The following SLC39A11 variants were observed in gnomAD, a reference collection of about 807,000 sequenced individuals.
SLC39A11 encodes the protein solute carrier family 39 member 11.
In SLC39A11, 33 loss-of-function variants were observed where a neutral mutation model predicts 36.1. The ratio of observed to expected loss-of-function variants is 0.91; its 90% CI spans 0.69 to 1.22. The LOEUF (loss-of-function observed/expected upper bound fraction) is 1.22. Ranked by LOEUF, SLC39A11 falls within the 50% of genes most tolerant of loss-of-function variation. The pLI, the probability that SLC39A11 is intolerant of heterozygous loss-of-function variation, is 0.00. For missense variants in SLC39A11, 432 were observed against 430.3 expected, an observed-to-expected ratio of 1.00 and a Z score of -0.03; for synonymous variants, 166 against 170.3, an observed-to-expected ratio of 0.97 and a Z score of 0.20.
At chr17:72,932,217 G>C (rs911832064) in intron 5 of SLC39A11, among the ~76,000 whole-genome samples, 4 of 151,750 alleles carry the variant, frequency 2.6e-5, no homozygotes, top group African/African-American at 9.7e-5. Context: ...AGCCACTAAG[G>C]AGCTGAGTCA....
intron 6 of SLC39A11, among the ~76,000 whole-genome samples, chr17:72,829,496 C>A (rs760081355): frequency 6.6e-6 from 1 of 152,076 alleles, no homozygotes; most frequent in Non-Finnish European, 1.5e-5. Flanking sequence ...GCTAAGACAA[C>A]TATGGGCCTT....
intron 3 of SLC39A11, chr17:73,067,736 C>T: frequency 2.7e-6 from 2 of 748,904 alleles, no homozygotes; most frequent in Non-Finnish European, 4.5e-6. Flanking sequence ...TTTTCTTATG[C>T]ATAAACATAG....
chr17:72,936,075 G>A (rs1161545759), intron 5 of SLC39A11, among the ~76,000 whole-genome samples: 1 of 152,134 alleles, frequency 6.6e-6, no homozygotes, highest in Non-Finnish European at 1.5e-5. Context: ...GTATTCGCCT[G>A]TAATCCCAGC....
At chr17:72,838,682 C>T (rs975744696) in intron 6 of SLC39A11, among the ~76,000 whole-genome samples, 9 of 152,160 alleles carry the variant, frequency 5.9e-5, no homozygotes, top group Non-Finnish European at 1.3e-4. Flanking sequence ...AAATGCCACA[C>T]AATAAAGTTG....
rs115172739 is a variant in SLC39A11, at chr17:72,781,383, C to G, written c.602-44664G>C. Among the ~76,000 whole-genome samples, 365 of 151,990 alleles carry G rather than the reference C, an allele frequency of 2.4e-3. 3 individuals carry two copies. Among genetic ancestry groups the G allele is most frequent in the African/African-American group, 8.4e-3 (348 of 41,508 alleles). On this transcript the variant is annotated intron_variant, in intron 6 of 9. Coordinates refer to ENST00000255559, the MANE Select transcript of SLC39A11 (RefSeq NM_139177.4). ...CCTCTTTGGAAATGCTTTGACATTT[C>G]CATCATTTTGTCTTATTTTGTTTCT...
In SLC39A11 at chr17:73,090,677, G is replaced by T. The variant is rs552519307; in HGVS notation, c.-11-1902C>A. ...TGCCTCTTGACAGCTACAGAAGAGA[G>T]CAAACAATTTACATTTGCCAACAGG... On this transcript the variant is annotated intron_variant, in intron 1 of 9. Transcript: ENST00000255559. Among the ~76,000 whole-genome samples, 11 of 152,344 alleles carry T rather than the reference G, an allele frequency of 7.2e-5. No individual in the cohort carries two copies. In the East Asian group the frequency reaches 1.9e-3, roughly 27 times the overall value.
rs373188482 is a variant in SLC39A11, at chr17:73,004,335, G to A, written c.306+27221C>T. ...CTAGAAGTCCGAGATCAGGGTGCCA[G>A]CATCATCAGGTTCTGACATGGCCTT... On this transcript the variant is annotated intron_variant, in intron 4 of 9. Coordinates refer to ENST00000255559, the MANE Select transcript of SLC39A11 (RefSeq NM_139177.4). Among the ~76,000 whole-genome samples the A allele has an allele frequency of 7.2e-4, 109 of 152,328 alleles. 1 individual carries two copies. The highest frequency in any genetic ancestry group is 2.4e-3 in the African/African-American group (99 of 41,580).
chr17:72,806,204 C>T (rs954189127), intron 6 of SLC39A11, among the ~76,000 whole-genome samples: 1 of 152,140 alleles, frequency 6.6e-6, no homozygotes, highest in East Asian at 1.9e-4. Flanking sequence ...TCCTGGCCGC[C>T]CCCTCAGCCG....
At chr17:72,875,575 C>T (rs1336765093) in intron 5 of SLC39A11, among the ~76,000 whole-genome samples, 1 of 152,224 alleles carries the variant, frequency 6.6e-6, no homozygotes, top group Non-Finnish European at 1.5e-5. Flanking sequence ...TCATCTCCCA[C>T]AAAGGCACCC....
intron 6 of SLC39A11, 114 bp from the exon 7 acceptor site, chr17:72,736,833 T>A: frequency 1.1e-6 from 1 of 890,656 alleles, no homozygotes; most frequent in South Asian, 1.4e-5. Flanking sequence ...TCAAAGAAAA[T>A]CATCGTAACA....
At position 72,746,330 on chromosome 17, in the gene SLC39A11, G is replaced by A. The variant is rs371759447; in HGVS notation, c.602-9611C>T. ...CATTAAAGGACAGAAAAATAACCAC[G>A]TTGAGGGGTCAGGTGTGATGGCTGA... On this transcript the variant is annotated intron_variant, in intron 6 of 9. Coordinates refer to ENST00000255559, the MANE Select transcript of SLC39A11 (RefSeq NM_139177.4). 5.3e-5 allele frequency among the ~76,000 whole-genome samples: 8 copies of A among 152,100 alleles called. No homozygotes were observed. In the East Asian group the frequency reaches 5.8e-4, roughly 11 times the overall value.
intron 7 of SLC39A11, among the ~76,000 whole-genome samples, chr17:72,732,177 C>A (rs1299840737): frequency 6.6e-6 from 1 of 150,884 alleles, no homozygotes; most frequent in African/African-American, 2.4e-5. Flanking sequence ...CCACCACACC[C>A]GGCTAATTTT....
intron 2 of SLC39A11, among the ~76,000 whole-genome samples, 164 bp downstream of exon 2, chr17:73,088,493 G>C (rs1036754266): frequency 7.2e-5 from 11 of 152,076 alleles, no homozygotes; most frequent in African/African-American, 2.7e-4. Flanking sequence ...CTGGCAGGGA[G>C]AAGGTGAGAA....
chr17:72,950,179 A>G (rs1206042702), intron 4 of SLC39A11, among the ~76,000 whole-genome samples: 1 of 152,082 alleles, frequency 6.6e-6, no homozygotes, highest in East Asian at 1.9e-4. Context: ...GATGTCCTCT[A>G]TGAATGTCTT....
At chr17:72,902,948 T>C (rs1351409403) in intron 5 of SLC39A11, among the ~76,000 whole-genome samples, 1 of 95,960 alleles carries the variant, frequency 1.0e-5, no homozygotes, top group Non-Finnish European at 2.0e-5. Flanking sequence ...TAAATTGTAG[T>C]TAGAAAAAAA....
chr17:72,997,335 C>A (rs1379107909), intron 4 of SLC39A11, among the ~76,000 whole-genome samples: 1 of 152,118 alleles, frequency 6.6e-6, no homozygotes, highest in Non-Finnish European at 1.5e-5. Context: ...CTCACTGCAA[C>A]CTCCGCCTCC....
At chr17:72,904,914 C>T (rs2082571746) in intron 5 of SLC39A11, among the ~76,000 whole-genome samples, 2 of 152,158 alleles carry the variant, frequency 1.3e-5, no homozygotes, top group African/African-American at 4.8e-5. Context: ...TGGCTCACGC[C>T]TGTAATCCCA....
At chr17:72,704,261 T>C (rs1228010774) in intron 7 of SLC39A11, among the ~76,000 whole-genome samples, 1 of 152,232 alleles carries the variant, frequency 6.6e-6, no homozygotes, top group Non-Finnish European at 1.5e-5. Flanking sequence ...CATCCCTCAC[T>C]GACAGATGAG....
chr17:72,736,834 C>T, intron 6 of SLC39A11, 115 bp from the exon 7 acceptor site: 1 of 883,606 alleles, frequency 1.1e-6, no homozygotes, highest in South Asian at 1.4e-5. Flanking sequence ...CAAAGAAAAT[C>T]ATCGTAACAG....
Sources: allele counts gnomAD v4.1 joint callset (sites outside exome capture counted in the v4.1 genomes callset), GRCh38; gene constraint gnomAD v4.1.1; transcripts MANE v1.5; gene names NCBI Gene and HGNC (gene_info 2026-07-23, HGNC 2026-07-21).